The following ASAP2 variants were observed in gnomAD, a reference collection of about 807,000 sequenced individuals.
The protein encoded by ASAP2 is arf-GAP with SH3 domain, ANK repeat and PH domain-containing protein 2.
ASAP2 carries 45 observed loss-of-function variants against 131.4 expected under a neutral mutation model. That is an observed-to-expected ratio of 0.34 (90% CI 0.27 to 0.44). The LOEUF (loss-of-function observed/expected upper bound fraction) is 0.44, where lower values mean the gene tolerates loss of function less well. Ranked by LOEUF, ASAP2 falls within the 20% of genes least tolerant of loss-of-function variation. ASAP2 has a pLI of 1.00. For synonymous variants in ASAP2, 510 were observed against 503.0 expected (o/e 1.01, Z -0.19); for missense variants, 1,011 against 1,297.0 (o/e 0.78, Z 3.39).
chr2:9,222,742 C>G (rs1222018835), intron 1 of ASAP2, among the ~76,000 whole-genome samples: 1 of 152,140 alleles, frequency 6.6e-6, no homozygotes, highest in Non-Finnish European at 1.5e-5. Context: ...GGTGTGTTCG[C>G]TAGCAGGAAT....
In ASAP2 at chr2:9,398,369, A is replaced by G. The variant is rs1572639903; in HGVS notation, c.2685-1654A>G. ...TACAAAAAATTTTGAAAGTTAGCCA[A>G]GCATGGTGGCGTGCACCTGTAGTCC... On this transcript the variant is annotated intron_variant, in intron 24 of 27. Transcript: ENST00000281419. Among the ~76,000 whole-genome samples the G allele has an allele frequency of 2.0e-5, 3 of 152,112 alleles. 1 individual carries two copies. The highest frequency in any genetic ancestry group is 2.0e-4 in the Admixed American group (3 of 15,282).
In ASAP2 at chr2:9,231,057, C is replaced by T. The variant is rs545613800; in HGVS notation, c.126+23827C>T. Among the ~76,000 whole-genome samples, 9 of 152,300 alleles carry T rather than the reference C, an allele frequency of 5.9e-5. No homozygotes were observed. In the East Asian group the frequency reaches 9.7e-4, roughly 16 times the overall value. ...GCTCGGCTGCTTTGCGGTTCTATGT[C>T]GGTCACTTTCCCCAGGCCACTTCCT... On this transcript the variant is annotated intron_variant, in intron 1 of 27. Transcript: ENST00000281419.
intron 1 of ASAP2, among the ~76,000 whole-genome samples, chr2:9,209,846 G>C (rs929855937): frequency 6.6e-6 from 1 of 152,250 alleles, no homozygotes; most frequent in South Asian, 2.1e-4. Flanking sequence ...TGGGATTACA[G>C]GCGTGAGCCA....
At chr2:9,248,676 T>C (rs1354270528) in intron 1 of ASAP2, among the ~76,000 whole-genome samples, 1 of 152,114 alleles carries the variant, frequency 6.6e-6, no homozygotes, top group Non-Finnish European at 1.5e-5. Flanking sequence ...ATTCACTGCT[T>C]CTACTGTTTA....
At position 9,392,232 on chromosome 2, in the gene ASAP2, G is replaced by A. The variant is rs1220716531; in HGVS notation, c.2518+1036G>A. On this transcript the variant is annotated intron_variant, in intron 23 of 27. Transcript: ENST00000281419. This position sits in a 1 kb window ranked among gnomAD's most constrained non-coding sequence, Gnocchi z 4.0. ...GTAAAGAAGCGGGAGGAGGTTTTTA[G>A]GAAGAAGTTTTTCTCCAGTGTACAG... Among the ~76,000 whole-genome samples, 1 of 152,226 alleles carries A rather than the reference G, an allele frequency of 6.6e-6. No individual in the cohort carries two copies. The highest frequency in any genetic ancestry group is 2.4e-5 in the African/African-American group (1 of 41,464).
At chr2:9,256,747 G>A (rs1391034890) in intron 1 of ASAP2, among the ~76,000 whole-genome samples, 1 of 152,238 alleles carries the variant, frequency 6.6e-6, no homozygotes, top group Non-Finnish European at 1.5e-5. Context: ...TTTTGGGGAT[G>A]TGATGGTATG....
rs1412713247 is a variant in ASAP2, at chr2:9,229,702, A to G, written c.126+22472A>G. On this transcript the variant is annotated intron_variant, in intron 1 of 27. Coordinates refer to ENST00000281419, the MANE Select transcript of ASAP2 (RefSeq NM_003887.3). ...ACAGAGCACTGGAGGGAATTGGTTG[A>G]GTAAGTGATGGAGTAGTTGATAGCA... Among the ~76,000 whole-genome samples the G allele has an allele frequency of 2.6e-5, 4 of 152,196 alleles. No individual in the cohort carries two copies. The East Asian group carries it at 7.7e-4, about 29-fold the overall frequency.
intron 21 of ASAP2, among the ~76,000 whole-genome samples, 155 bp from the exon 22 acceptor site, chr2:9,388,139 C>T (rs370202378): frequency 3.9e-5 from 6 of 152,274 alleles, no homozygotes; most frequent in South Asian, 2.1e-4. Context: ...GCAGCTCTCA[C>T]GCAACTTGTA....
chr2:9,277,842 T>C (rs546188232), intron 1 of ASAP2, among the ~76,000 whole-genome samples: 1 of 152,252 alleles, frequency 6.6e-6, no homozygotes, highest in African/African-American at 2.4e-5. Context: ...GTCTGGTGCC[T>C]TGTGATCATT....
At position 9,274,879 on chromosome 2, in the gene ASAP2, A is replaced by G. The variant is rs951484847; in HGVS notation, c.127-4438A>G. ...AAGCACTACTTCCTCTTTGGTAACA[A>G]AGGTAGAAGATTCCATATGGTGACC... On this transcript the variant is annotated intron_variant, in intron 1 of 27. Transcript: ENST00000281419. Among the ~76,000 whole-genome samples, 60 of 152,298 alleles carry G rather than the reference A, an allele frequency of 3.9e-4. 1 individual carries two copies. The highest frequency in any genetic ancestry group is 1.4e-3 in the African/African-American group (60 of 41,568).
chr2:9,257,525 T>C (rs2148177483), intron 1 of ASAP2, among the ~76,000 whole-genome samples: 1 of 152,358 alleles, frequency 6.6e-6, no homozygotes, highest in Admixed American at 6.5e-5. Context: ...GTGGTTGTTT[T>C]GTTTTGTTTT....
At chr2:9,319,807 G>A (rs569785942) in intron 4 of ASAP2, among the ~76,000 whole-genome samples, 4 of 152,326 alleles carry the variant, frequency 2.6e-5, no homozygotes, top group Admixed American at 6.5e-5. Flanking sequence ...AATTGCACAC[G>A]GAAGAGCAGT....
chr2:9,283,645 A>G (rs936342924), intron 2 of ASAP2, among the ~76,000 whole-genome samples: 3 of 152,188 alleles, frequency 2.0e-5, no homozygotes, highest in African/African-American at 7.2e-5. Flanking sequence ...CTATAACAAA[A>G]TACCATAGAT....
intron 12 of ASAP2, among the ~76,000 whole-genome samples, chr2:9,355,789 T>C (rs1035888750): frequency 1.3e-5 from 2 of 152,206 alleles, no homozygotes; most frequent in Non-Finnish European, 2.9e-5. Context: ...TGGTTTTCAT[T>C]GAATAGCTTC....
chr2:9,225,772 G>GGCATAGT (rs1662719011), intron 1 of ASAP2, among the ~76,000 whole-genome samples: 1 of 152,140 alleles, frequency 6.6e-6, no homozygotes, highest in Non-Finnish European at 1.5e-5. Flanking sequence ...GTGGTTGTAG[G>GGCATAGT]GGTCTGGATT....
At chr2:9,240,214 G>A (rs1663858729) in intron 1 of ASAP2, among the ~76,000 whole-genome samples, 1 of 144,294 alleles carries the variant, frequency 6.9e-6, no homozygotes, top group South Asian at 2.3e-4. Context: ...ATCACGACAT[G>A]TCTCTGTTCA....
chr2:9,402,408 A>G (rs1331316067), intron 27 of ASAP2, among the ~76,000 whole-genome samples: 1 of 152,164 alleles, frequency 6.6e-6, no homozygotes, highest in Non-Finnish European at 1.5e-5. Context: ...GGCAGGCGGA[A>G]CACTTGAGGT....
At chr2:9,262,358 C>G (rs1665634597) in intron 1 of ASAP2, among the ~76,000 whole-genome samples, 1 of 152,086 alleles carries the variant, frequency 6.6e-6, no homozygotes, top group African/African-American at 2.4e-5. Context: ...GTAGTTTACA[C>G]CTAGCCTCTC....
At chr2:9,376,883 G>T (rs1233967607) in intron 17 of ASAP2, 25 bp from the exon 18 acceptor site, 1 of 1,607,560 alleles carries the variant, frequency 6.2e-7, no homozygotes, top group Admixed American at 1.7e-5. Context: ...TTAGAATTCT[G>T]GAATGCCTTT....
Sources: allele counts gnomAD v4.1 joint callset (sites outside exome capture counted in the v4.1 genomes callset), GRCh38; gene constraint gnomAD v4.1.1; non-coding constraint Gnocchi (gnomAD v3.1); transcripts MANE v1.5; gene names NCBI Gene and HGNC (gene_info 2026-07-23, HGNC 2026-07-21).